Variants in PRH1 observed in about 807,000 individuals in gnomAD.
PRH1 encodes the protein salivary acidic proline-rich phosphoprotein 1/2.
PRH1 carries 7 observed loss-of-function variants against 7.9 expected under a neutral mutation model. That is an observed-to-expected ratio of 0.89 (90% CI 0.50 to 1.67). The LOEUF is 1.67. Among genes scored for constraint, PRH1 ranks in the 40% most tolerant of loss-of-function variants. The pLI is 0.00. For synonymous variants in PRH1, 45 were observed against 80.8 expected, an observed-to-expected ratio of 0.56 and a Z score of 2.38; for missense variants, 109 against 223.6, an observed-to-expected ratio of 0.49 and a Z score of 3.27.
intron 1 of PRH1, among the ~76,000 whole-genome samples, chr12:11,107,054 G>C (rs898961980): frequency 1.3e-5 from 2 of 152,144 alleles, no homozygotes; most frequent in African/African-American, 4.8e-5. Flanking sequence ...TCGTCACCCA[G>C]GCTGGAGTGC....
At chr12:10,981,638 T>G (rs1317831678) in intron 1 of PRH1, among the ~76,000 whole-genome samples, 1 of 152,048 alleles carries the variant, frequency 6.6e-6, no homozygotes, top group Admixed American at 6.6e-5. Context: ...CCACCCAAAG[T>G]GCTGGGATTA....
At chr12:10,944,384 A>C (rs1461073127) in intron 2 of PRH1, among the ~76,000 whole-genome samples, 2 of 152,094 alleles carry the variant, frequency 1.3e-5, no homozygotes, top group Non-Finnish European at 1.5e-5. Flanking sequence ...GTTGGTTTAT[A>C]GGAATACAAG....
intron 2 of PRH1, among the ~76,000 whole-genome samples, chr12:10,940,812 A>G (rs1950387213): frequency 6.6e-6 from 1 of 152,224 alleles, no homozygotes; most frequent in African/African-American, 2.4e-5. Flanking sequence ...TGCCTCATAA[A>G]CGTCAAAGAT....
intron 1 of PRH1, among the ~76,000 whole-genome samples, chr12:11,090,636 A>G (rs374625627): frequency 1.7e-5 from 2 of 117,976 alleles, no homozygotes; most frequent in Non-Finnish European, 4.0e-5. Flanking sequence ...CGCTTATGGT[A>G]GACATACATT....
rs965156521 is a variant in PRH1, at chr12:11,128,113, A to G, written n.40-6933T>C. The stretch of plus-strand genomic sequence containing the variant: ...GCGACAGAGCGAGACTCAGTCTCAA[A>G]AAAAAAAAAAAGAAAAAGAAAAAGA... On this transcript the variant is annotated intron_variant and non_coding_transcript_variant, in intron 1 of 1. Coordinates refer to the PRH1 transcript ENST00000541175. Among the ~76,000 whole-genome samples, 69 of 150,706 alleles carry G rather than the reference A, an allele frequency of 4.6e-4. 1 individual carries two copies. Among genetic ancestry groups the G allele is most frequent in the African/African-American group, 1.6e-3 (66 of 41,298 alleles).
intron 2 of PRH1, among the ~76,000 whole-genome samples, chr12:10,953,228 T>A (rs1937776492): frequency 6.6e-6 from 1 of 151,744 alleles, no homozygotes; most frequent in Non-Finnish European, 1.5e-5. Flanking sequence ...AGCCAGAGTA[T>A]CTTCTTACCT....
intron 2 of PRH1, among the ~76,000 whole-genome samples, chr12:10,967,314 T>C (rs1300503103): frequency 6.6e-6 from 1 of 152,140 alleles, no homozygotes; most frequent in Admixed American, 6.5e-5. Context: ...ATTTTTATGG[T>C]GCACTTCTCC....
chr12:11,081,303 A>G (rs76392563), intron 1 of PRH1, among the ~76,000 whole-genome samples: 10,586 of 76,544 alleles, frequency 0.14, 359 homozygotes, highest in Non-Finnish European at 0.19. Context: ...CATTTTTTTC[A>G]GTCTTATTCT....
intron 2 of PRH1, among the ~76,000 whole-genome samples, chr12:10,932,672 T>C (rs1950230864): frequency 6.6e-6 from 1 of 152,154 alleles, no homozygotes; most frequent in African/African-American, 2.4e-5. Context: ...TGAGTATGGT[T>C]CTATGCCTGT....
chr12:10,958,643 A>T (rs1464687214), intron 2 of PRH1, among the ~76,000 whole-genome samples: 1 of 152,182 alleles, frequency 6.6e-6, no homozygotes, highest in Non-Finnish European at 1.5e-5. Flanking sequence ...TGATTCAATG[A>T]TATCTGAGGA....
In PRH1 at chr12:11,021,493, A is replaced by G; in HGVS notation, c.-126+25527T>C. The G allele has an allele frequency of 5.7e-6, 3 of 530,518 alleles. No homozygotes were observed. In the East Asian group the frequency reaches 8.5e-5, roughly 15 times the overall value. The allele number at this position is 530,518 out of a possible 1,614,324, so 32.9% of individuals were successfully genotyped here. On this transcript the variant is annotated intron_variant, in intron 1 of 3. Transcript: ENST00000539853. The stretch of plus-strand genomic sequence containing the variant: ...TATTCACACACATGCACACATATAC[A>G]CCCATAAATATATATATGACTTTTC...
intron 1 of PRH1, chr12:11,031,311 A>C (rs1392337429): frequency 6.2e-7 from 1 of 1,613,600 alleles, no homozygotes; most frequent in South Asian, 1.1e-5. Context: ...ACACTGGAAA[A>C]AATGATGGGT....
chr12:10,962,124 C>T (rs982603124), intron 2 of PRH1, among the ~76,000 whole-genome samples: 2 of 152,128 alleles, frequency 1.3e-5, no homozygotes, highest in Non-Finnish European at 2.9e-5. Context: ...TCTAGACCTC[C>T]AAAGCTAAGA....
At chr12:10,998,282 G>A (rs1002575526) in intron 1 of PRH1, among the ~76,000 whole-genome samples, 9 of 152,020 alleles carry the variant, frequency 5.9e-5, no homozygotes, top group Admixed American at 1.3e-4. Flanking sequence ...CCCTTCAGTT[G>A]TTGGGGAAAT....
chr12:11,151,660 C>T (rs2136428222), intron 1 of PRH1, among the ~76,000 whole-genome samples: 1 of 152,218 alleles, frequency 6.6e-6, no homozygotes, highest in Middle Eastern at 3.4e-3. Flanking sequence ...TTACTTCAAG[C>T]CTCTTTTCTG....
intron 1 of PRH1, among the ~76,000 whole-genome samples, chr12:11,024,183 A>G (rs1941797744): frequency 6.6e-6 from 1 of 152,280 alleles, no homozygotes. Context: ...TTCAGTATAT[A>G]ATGAGCAGAG....
chr12:11,049,496 C>T (rs951558328), upstream of PRH1, among the ~76,000 whole-genome samples: 1 of 117,514 alleles, frequency 8.5e-6, no homozygotes, highest in Non-Finnish European at 2.0e-5. Flanking sequence ...CAAATTCACT[C>T]CTCTTCATAC....
At chr12:11,023,955 T>C (rs1339511123) in intron 1 of PRH1, among the ~76,000 whole-genome samples, 2 of 152,190 alleles carry the variant, frequency 1.3e-5, no homozygotes, top group Non-Finnish European at 2.9e-5. Flanking sequence ...CCCACCATTG[T>C]TGTGTCAGGA....
chr12:11,079,217 AGGGT>A (rs1944415747), intron 1 of PRH1: 1 of 117,986 alleles, frequency 8.5e-6, no homozygotes, highest in South Asian at 2.3e-4. Context: ...CACCACAGGC[AGGGT>A]GACTACCTTG....
Sources: gnomAD v4.1 joint callset for allele counts (sites outside exome capture counted in the v4.1 genomes callset) on GRCh38, gnomAD v4.1.1 for gene constraint, MANE v1.5 for transcripts, NCBI Gene and HGNC (gene_info 2026-07-23, HGNC 2026-07-21) for gene names.